Variants in UBE2L3 observed in about 807,000 individuals in gnomAD.
The protein encoded by UBE2L3 is ubiquitin conjugating enzyme E2 L3, also known as ubiquitin-conjugating enzyme E2 L3.
Under a neutral mutation model 17.8 loss-of-function variants are expected in UBE2L3, and 1 was observed. The observed-to-expected ratio is 0.06, with a 90% CI of 0.02 to 0.27. The LOEUF is 0.27. UBE2L3 is among the 10% of genes least tolerant of loss of function. UBE2L3 has a pLI of 1.00. For missense variants in UBE2L3, 40 were observed against 192.6 expected, an observed-to-expected ratio of 0.21 and a Z score of 4.69; for synonymous variants, 44 against 68.5, an observed-to-expected ratio of 0.64 and a Z score of 1.76.
intron 2 of UBE2L3, among the ~76,000 whole-genome samples, chr22:21,595,087 A>G (rs1271115500): frequency 6.6e-6 from 1 of 152,182 alleles, no homozygotes; most frequent in East Asian, 1.9e-4. Context: ...CTAAGATCTT[A>G]CTAGGGCAAA....
intron 1 of UBE2L3, among the ~76,000 whole-genome samples, chr22:21,590,200 T>C (rs1833909787): frequency 6.6e-6 from 1 of 152,214 alleles, no homozygotes; most frequent in African/African-American, 2.4e-5. Flanking sequence ...TATTTTTTTA[T>C]TTTTTTATTT....
intron 3 of UBE2L3, among the ~76,000 whole-genome samples, chr22:21,618,184 T>TA (rs575478971): frequency 1.7e-4 from 24 of 145,430 alleles, no homozygotes; most frequent in Non-Finnish European, 2.3e-4. Context: ...CCATCTCAAT[T>TA]AAAAAAAAAA....
chr22:21,619,790 C>T (rs1929961297), intron 3 of UBE2L3, among the ~76,000 whole-genome samples: 1 of 152,198 alleles, frequency 6.6e-6, no homozygotes, highest in East Asian at 1.9e-4. Flanking sequence ...CTCCCGGGTT[C>T]AAGCGATTCT....
chr22:21,620,968 G>A (rs918074776), intron 3 of UBE2L3, among the ~76,000 whole-genome samples: 3 of 152,170 alleles, frequency 2.0e-5, no homozygotes, highest in African/African-American at 7.2e-5. Context: ...TGAGCAGTCA[G>A]TTCAATACTA....
intron 1 of UBE2L3, among the ~76,000 whole-genome samples, chr22:21,559,273 A>G (rs1255927190): frequency 1.3e-5 from 2 of 151,930 alleles, no homozygotes; most frequent in Non-Finnish European, 2.9e-5. Flanking sequence ...GCTTTAACCT[A>G]GGAAGTGGAG....
intron 1 of UBE2L3, among the ~76,000 whole-genome samples, chr22:21,576,402 A>G (rs990380197): frequency 6.6e-6 from 1 of 150,532 alleles, no homozygotes; most frequent in Non-Finnish European, 1.5e-5. Context: ...GGTTCACGCC[A>G]TTCTTCTGCC....
intron 3 of UBE2L3, among the ~76,000 whole-genome samples, chr22:21,617,568 G>C (rs1250970335): frequency 6.6e-6 from 1 of 151,940 alleles, no homozygotes; most frequent in Non-Finnish European, 1.5e-5. Context: ...CGCCCGGCCT[G>C]TTGTATGTTT....
rs373446845 is a variant in UBE2L3 at position 21,571,552 on chromosome 22, G to T, written c.27+3781G>T. ...GCCTCCCAAGTAGCTGATACTATAG[G>T]TGTGCACCACCACTCCCTGCTAATT... On this transcript the variant is annotated intron_variant, in intron 1 of 3. Transcript: ENST00000342192. Among the ~76,000 whole-genome samples the T allele has an allele frequency of 2.2e-4, 34 of 152,204 alleles. No individual in the cohort carries two copies. In the East Asian group the frequency reaches 5.0e-3, roughly 22 times the overall value.
rs1386368531 is a variant in UBE2L3 at position 21,568,362 on chromosome 22, CAG to C, written c.27+594_27+595del. Reference sequence around the variant, plus strand: ...CTAGCAAACTGTCGCCTTGTGACTGCAGAGTCACACAGCGGGTAAGTTCCAAC... The same window carrying C: ...CTAGCAAACTGTCGCCTTGTGACTGCAGTCACACAGCGGGTAAGTTCCAAC... On this transcript the variant is annotated intron_variant, in intron 1 of 3. Coordinates refer to ENST00000342192, the MANE Select transcript of UBE2L3 (RefSeq NM_003347.4). The C allele has an allele frequency of 9.0e-5, 89 of 985,456 alleles. No individual in the cohort carries two copies. The South Asian group carries it at 3.7e-3, about 41-fold the overall frequency. The allele number at this position is 985,456 out of a possible 1,614,324, so 61.0% of individuals were successfully genotyped here.
At chr22:21,585,487 A>T (rs1927886268) in intron 1 of UBE2L3, among the ~76,000 whole-genome samples, 1 of 152,074 alleles carries the variant, frequency 6.6e-6, no homozygotes, top group African/African-American at 2.4e-5. Flanking sequence ...CCCACTTCCC[A>T]CCAGGGTGAC....
intron 1 of UBE2L3, among the ~76,000 whole-genome samples, chr22:21,580,678 C>A (rs1436811632): frequency 6.6e-6 from 1 of 151,934 alleles, no homozygotes; most frequent in Non-Finnish European, 1.5e-5. Flanking sequence ...TCTCGAACTC[C>A]TGACCTTGTG....
intron 1 of UBE2L3, among the ~76,000 whole-genome samples, chr22:21,556,901 A>G (rs1926249817): frequency 6.6e-6 from 1 of 152,264 alleles, no homozygotes; most frequent in Non-Finnish European, 1.5e-5. Context: ...TAAAAATACA[A>G]AAATTAGCTG....
upstream of UBE2L3, among the ~76,000 whole-genome samples, chr22:21,567,366 C>T (rs1206801150): frequency 2.6e-5 from 4 of 152,146 alleles, no homozygotes; most frequent in African/African-American, 9.7e-5. Flanking sequence ...AGTTTCACCA[C>T]GTTGGCCAGG....
chr22:21,562,288 G>T (rs1477513049), intron 1 of UBE2L3, among the ~76,000 whole-genome samples: 1 of 150,492 alleles, frequency 6.6e-6, no homozygotes, highest in South Asian at 2.1e-4. Flanking sequence ...TCCACCTCCC[G>T]GGTTCATGCC....
chr22:21,574,259 A>G (rs1276061499), intron 1 of UBE2L3, among the ~76,000 whole-genome samples: 1 of 152,190 alleles, frequency 6.6e-6, no homozygotes, highest in African/African-American at 2.4e-5. Context: ...TTAAAAGCTC[A>G]GGTTCTGGAG....
intron 3 of UBE2L3, among the ~76,000 whole-genome samples, chr22:21,620,042 T>G (rs138708357): frequency 1.3e-5 from 2 of 152,254 alleles, no homozygotes; most frequent in Non-Finnish European, 2.9e-5. Flanking sequence ...CCTGTCATCC[T>G]AGCACTTTTG....
chr22:21,568,662 G>A (rs756605687), intron 1 of UBE2L3, among the ~76,000 whole-genome samples: 7 of 152,120 alleles, frequency 4.6e-5, no homozygotes, highest in Non-Finnish European at 1.0e-4. Context: ...GATTTGCCAA[G>A]GTCCTCTGTA....
intron 2 of UBE2L3, among the ~76,000 whole-genome samples, chr22:21,597,336 T>C (rs1332367361): frequency 6.6e-6 from 1 of 152,180 alleles, no homozygotes; most frequent in Non-Finnish European, 1.5e-5. Context: ...AGAAGGGGTC[T>C]TGCTCTGTCA....
intron 2 of UBE2L3, among the ~76,000 whole-genome samples, chr22:21,604,814 C>T (rs1048364260): frequency 8.5e-5 from 13 of 152,204 alleles, no homozygotes; most frequent in African/African-American, 3.1e-4. Context: ...ACCTGAGCCA[C>T]TCCTTTGACC....
Sources: allele counts gnomAD v4.1 joint callset (sites outside exome capture counted in the v4.1 genomes callset), GRCh38; gene constraint gnomAD v4.1.1; transcripts MANE v1.5; gene names NCBI Gene and HGNC (gene_info 2026-07-23, HGNC 2026-07-21).